SDK2: variants seen among roughly 807,000 people sequenced by gnomAD.
The protein encoded by SDK2 is protein sidekick-2.
Under a neutral mutation model 253.9 loss-of-function variants are expected in SDK2, and 105 were observed. The observed-to-expected ratio is 0.41, with a 90% CI of 0.35 to 0.49. The LOEUF (loss-of-function observed/expected upper bound fraction) is 0.49. Among genes scored for constraint, SDK2 ranks in the 20% least tolerant of loss-of-function variants. The pLI is 0.06. For synonymous variants in SDK2, 1,249 were observed against 1,234.9 expected, an observed-to-expected ratio of 1.01 and a Z score of -0.24; for missense variants, 2,608 against 3,003.0, an observed-to-expected ratio of 0.87 and a Z score of 3.07.
At chr17:73,384,067 C>G (rs976856593) in intron 32 of SDK2, 56 bp from the exon 33 acceptor site, 2 of 1,574,992 alleles carry the variant, frequency 1.3e-6, no homozygotes, top group Admixed American at 3.7e-5. Flanking sequence ...CCACCCCTCC[C>G]CACGCTCTCT....
intron 1 of SDK2, among the ~76,000 whole-genome samples, chr17:73,614,767 A>AGGGAGGGAGGGGGGCAAGGATTGAAAAGG (rs2046030114): frequency 5.6e-5 from 2 of 36,010 alleles, no homozygotes; most frequent in African/African-American, 1.1e-4. Context: ...GAAAAGGGGG[A>AGGGAGGGAGGGGGGCAAGGATTGAAAAGG]GGGAGGGAGG....
chr17:73,448,453 C>T (rs973254628), intron 4 of SDK2, among the ~76,000 whole-genome samples: 15 of 152,050 alleles, frequency 9.9e-5, no homozygotes, highest in Admixed American at 9.8e-4. Flanking sequence ...CAGCCTCTGC[C>T]TCCCGGGTTC....
intron 1 of SDK2, among the ~76,000 whole-genome samples, chr17:73,572,320 T>A (rs2045399792): frequency 6.6e-6 from 1 of 152,060 alleles, no homozygotes; most frequent in African/African-American, 2.4e-5. Context: ...AGGGCTCAGT[T>A]ATCCCTGTAG....
chr17:73,614,919 C>T (rs2143155393), intron 1 of SDK2, among the ~76,000 whole-genome samples: 1 of 151,764 alleles, frequency 6.6e-6, no homozygotes, highest in Non-Finnish European at 1.5e-5. Context: ...AAGCGCAAAC[C>T]TCAGCATCAC....
intron 1 of SDK2, among the ~76,000 whole-genome samples, chr17:73,567,475 T>A (rs1475916516): frequency 2.0e-5 from 3 of 152,260 alleles, no homozygotes; most frequent in Admixed American, 6.5e-5. Flanking sequence ...CACAGGGTCC[T>A]CACCGGGACA....
At chr17:73,539,996 G>T (rs564880153) in intron 1 of SDK2, among the ~76,000 whole-genome samples, 133 of 148,812 alleles carry the variant, frequency 8.9e-4, no homozygotes, top group Admixed American at 1.5e-3. Flanking sequence ...TACCCAGGAT[G>T]GGCAGCCCCC....
Position 73,559,158 on chromosome 17 carries a change from C to T in SDK2, c.65-51561G>A, listed in dbSNP as rs12601774. On this transcript the variant is annotated intron_variant, in intron 1 of 44. Transcript: ENST00000392650. ...CTGCACCGGGGCCCCACAAGCAACA[C>T]CCAGATCCTGAAAGTATTTGTTCCA... Among the ~76,000 whole-genome samples the T allele has an allele frequency of 2.6e-3, 390 of 152,284 alleles. 6 individuals carry two copies. The South Asian group carries it at 0.034, about 13-fold the overall frequency.
intron 36 of SDK2, among the ~76,000 whole-genome samples, chr17:73,373,977 C>T (rs947777421): frequency 1.4e-5 from 2 of 144,704 alleles, no homozygotes; most frequent in Non-Finnish European, 2.9e-5. Flanking sequence ...GGGTCCTTTG[C>T]CCCATTTTCT....
rs961986395 is a variant in SDK2 at position 73,455,265 on chromosome 17, T to A, written c.479+641A>T. 6.6e-6 allele frequency among the ~76,000 whole-genome samples: 1 copy of A among 152,026 alleles called. No homozygotes were observed. Among genetic ancestry groups the A allele is most frequent in the East Asian group, 1.9e-4 (1 of 5,164 alleles). The stretch of plus-strand genomic sequence containing the variant: ...TCAGGAGGGCGGGGAGACGGGTGTA[T>A]CTCGGGAGGAACTGCTTTGTTGCTC... On this transcript the variant is annotated intron_variant, in intron 4 of 44. Coordinates refer to ENST00000392650, the MANE Select transcript of SDK2 (RefSeq NM_001144952.2). The surrounding 1 kb of genome is among the most constrained non-coding windows in gnomAD (Gnocchi z 5.0).
At chr17:73,453,385 C>CT (rs1363806147) in intron 4 of SDK2, among the ~76,000 whole-genome samples, 179 of 115,430 alleles carry the variant, frequency 1.6e-3, no homozygotes, top group African/African-American at 4.8e-3. Flanking sequence ...TTTTTTTTTT[C>CT]TTTTTTTTTG....
chr17:73,351,203 G>A (rs535383596), intron 41 of SDK2, among the ~76,000 whole-genome samples: 6 of 151,746 alleles, frequency 4.0e-5, no homozygotes, highest in African/African-American at 7.3e-5. Context: ...TCCACTTCCC[G>A]GGTTCAAGCA....
At chr17:73,456,390 TAGGAAGAGACAG>T (rs1235751280) in intron 3 of SDK2, among the ~76,000 whole-genome samples, 1 of 152,166 alleles carries the variant, frequency 6.6e-6, no homozygotes, top group Non-Finnish European at 1.5e-5. Context: ...GTCACCTAAC[TAGGAAGAGACAG>T]AGTCAGAATT....
chr17:73,488,311 C>G (rs763824039), intron 2 of SDK2, among the ~76,000 whole-genome samples: 2 of 152,202 alleles, frequency 1.3e-5, no homozygotes, highest in African/African-American at 4.8e-5. Context: ...CCACCACGCC[C>G]GGCCAAGATG....
At chr17:73,405,488 A>G (rs1479195981) in intron 18 of SDK2, among the ~76,000 whole-genome samples, 5 of 96,038 alleles carry the variant, frequency 5.2e-5, no homozygotes, top group African/African-American at 1.5e-4. Flanking sequence ...ATATATATAT[A>G]TATATATATA....
rs1424266874 is a variant in SDK2, at chr17:73,465,449, G to A, written c.331+6663C>T. Among the ~76,000 whole-genome samples the A allele has an allele frequency of 6.6e-6, 1 of 152,104 alleles. No individual in the cohort carries two copies. The highest frequency in any genetic ancestry group is 1.5e-5 in the Non-Finnish European group (1 of 68,014). ...CCTCAGGACCTGGATGTGGTGAAAC[G>A]CTGGCTGTGGTGAAACGCTGGCTCG... On this transcript the variant is annotated intron_variant, in intron 3 of 44. Coordinates refer to ENST00000392650, the MANE Select transcript of SDK2 (RefSeq NM_001144952.2). The surrounding 1 kb of genome is among the most constrained non-coding windows in gnomAD (Gnocchi z 4.2).
At chr17:73,630,750 C>T (rs886844516) in intron 1 of SDK2, among the ~76,000 whole-genome samples, 16 of 152,162 alleles carry the variant, frequency 1.1e-4, no homozygotes, top group African/African-American at 3.1e-4. Context: ...TTCGTCCCCA[C>T]GCCTTCCTGC....
intron 1 of SDK2, among the ~76,000 whole-genome samples, chr17:73,571,955 G>T (rs915784610): frequency 2.6e-5 from 4 of 152,172 alleles, no homozygotes; most frequent in African/African-American, 4.8e-5. Context: ...GCGCCCGCGG[G>T]GCCAGCTCCC....
chr17:73,385,700 T>A (rs1599508261), intron 32 of SDK2, 147 bp downstream of exon 32: 30 of 713,620 alleles, frequency 4.2e-5, no homozygotes, highest in South Asian at 3.7e-4. Context: ...GACATGCACA[T>A]GCCTGGATTT....
intron 1 of SDK2, among the ~76,000 whole-genome samples, chr17:73,622,875 G>A (rs2046150896): frequency 6.6e-6 from 1 of 152,224 alleles, no homozygotes; most frequent in Non-Finnish European, 1.5e-5. Context: ...CAAGGGCCTT[G>A]ACCATCTGGT....
Sources: allele counts gnomAD v4.1 joint callset (sites outside exome capture counted in the v4.1 genomes callset), GRCh38; gene constraint gnomAD v4.1.1; non-coding constraint Gnocchi (gnomAD v3.1); transcripts MANE v1.5; gene names NCBI Gene and HGNC (gene_info 2026-07-23, HGNC 2026-07-21).